The following KCNIP4 variants were observed in gnomAD, a reference collection of about 807,000 sequenced individuals.
The protein encoded by KCNIP4 is Kv channel-interacting protein 4.
KCNIP4 carries 12 observed loss-of-function variants against 34.0 expected under a neutral mutation model. The ratio of observed to expected loss-of-function variants is 0.35; its 90% CI spans 0.23 to 0.57. KCNIP4 has a LOEUF of 0.57. KCNIP4 is among the 20% of genes least tolerant of loss of function. KCNIP4 has a pLI of 0.83. For synonymous variants in KCNIP4, 124 were observed against 102.2 expected, an observed-to-expected ratio of 1.21 and a Z score of -1.29; for missense variants, 238 against 311.7, an observed-to-expected ratio of 0.76 and a Z score of 1.78.
At chr4:21,402,472 C>T (rs1268969776) in intron 1 of KCNIP4, among the ~76,000 whole-genome samples, 1 of 152,216 alleles carries the variant, frequency 6.6e-6, no homozygotes. Flanking sequence ...CATTTAGCTG[C>T]TAACAGGCCT....
At chr4:21,406,980 G>T (rs986099091) in intron 1 of KCNIP4, among the ~76,000 whole-genome samples, 3 of 151,962 alleles carry the variant, frequency 2.0e-5, no homozygotes, top group African/African-American at 7.3e-5. Context: ...GATAACACTT[G>T]GAAATGTATA....
intron 1 of KCNIP4, among the ~76,000 whole-genome samples, chr4:21,100,440 T>A (rs1747837655): frequency 6.6e-6 from 1 of 152,036 alleles, no homozygotes; most frequent in African/African-American, 2.4e-5. Context: ...GTAGACCCAG[T>A]TACTTGGGAG....
chr4:21,642,803 T>C (rs1303017468), intron 1 of KCNIP4, among the ~76,000 whole-genome samples: 1 of 152,082 alleles, frequency 6.6e-6, no homozygotes, highest in African/African-American at 2.4e-5. Context: ...TGATACTGAC[T>C]ACCAAAGAGA....
At chr4:21,556,925 A>C in intron 1 of KCNIP4, among the ~76,000 whole-genome samples, 1 of 147,946 alleles carries the variant, frequency 6.8e-6, no homozygotes, top group South Asian at 2.1e-4. Flanking sequence ...CATCTCAGAA[A>C]AAAAAAAAAA....
chr4:21,861,829 G>A (rs188223647), intron 1 of KCNIP4, among the ~76,000 whole-genome samples: 18 of 152,166 alleles, frequency 1.2e-4, no homozygotes, highest in African/African-American at 3.4e-4. Context: ...GCAAACGCGG[G>A]TCAGGTCATG....
chr4:21,387,009 G>A (rs1031955279), intron 1 of KCNIP4, among the ~76,000 whole-genome samples: 4 of 152,146 alleles, frequency 2.6e-5, no homozygotes, highest in African/African-American at 9.7e-5. Flanking sequence ...TTTGCTATGG[G>A]CTACAGGAGG....
At chr4:21,108,219 C>A (rs990489385) in intron 1 of KCNIP4, among the ~76,000 whole-genome samples, 5 of 149,830 alleles carry the variant, frequency 3.3e-5, no homozygotes, top group South Asian at 2.1e-4. Flanking sequence ...TCCATTCTCC[C>A]CGTCACTTTC....
chr4:21,116,455 A>G (rs749316132), intron 1 of KCNIP4, among the ~76,000 whole-genome samples: 6 of 152,144 alleles, frequency 3.9e-5, no homozygotes, highest in African/African-American at 4.8e-5. Context: ...TAGAGTGACT[A>G]CAACTTCCTG....
intron 1 of KCNIP4, among the ~76,000 whole-genome samples, chr4:21,894,141 G>T (rs1727253080): frequency 6.6e-6 from 1 of 151,848 alleles, no homozygotes. Context: ...AGACCAGCCT[G>T]GGAAACATGG....
At chr4:20,797,910 A>G (rs961085831) in intron 3 of KCNIP4, among the ~76,000 whole-genome samples, 13 of 152,228 alleles carry the variant, frequency 8.5e-5, no homozygotes, top group African/African-American at 3.1e-4. Context: ...TTTCTTTGGA[A>G]GATAACACAG....
intron 1 of KCNIP4, among the ~76,000 whole-genome samples, chr4:21,280,378 A>C (rs571009105): frequency 2.0e-5 from 3 of 152,316 alleles, no homozygotes; most frequent in African/African-American, 7.2e-5. Flanking sequence ...TTTATTAAAC[A>C]ATATGTCAGA....
At chr4:21,255,577 T>C (rs1365465972) in intron 1 of KCNIP4, among the ~76,000 whole-genome samples, 1 of 152,276 alleles carries the variant, frequency 6.6e-6, no homozygotes, top group East Asian at 1.9e-4. Flanking sequence ...TTTCTTTTTC[T>C]TTTTATTTGT....
intron 1 of KCNIP4, among the ~76,000 whole-genome samples, chr4:21,730,756 A>G (rs866895883): frequency 1.2e-4 from 18 of 152,322 alleles, no homozygotes; most frequent in African/African-American, 4.3e-4. Flanking sequence ...TCAGGATCAC[A>G]AACTTATACG....
At chr4:20,752,312 G>A (rs1753804236) in intron 4 of KCNIP4, among the ~76,000 whole-genome samples, 1 of 152,080 alleles carries the variant, frequency 6.6e-6, no homozygotes, top group Admixed American at 6.6e-5. Flanking sequence ...GCCTGCCTCA[G>A]CCTCCCAAAG....
intron 1 of KCNIP4, among the ~76,000 whole-genome samples, chr4:21,533,451 G>GCTTGT (rs1369504262): frequency 6.6e-6 from 1 of 152,056 alleles, no homozygotes; most frequent in Non-Finnish European, 1.5e-5. Flanking sequence ...AGAACCAATA[G>GCTTGT]CTTGTCTAGC....
intron 1 of KCNIP4, among the ~76,000 whole-genome samples, chr4:21,602,594 G>A (rs1251853685): frequency 6.6e-6 from 1 of 152,076 alleles, no homozygotes; most frequent in African/African-American, 2.4e-5. Flanking sequence ...TAATCCTCAA[G>A]TACAATGATT....
intron 1 of KCNIP4, among the ~76,000 whole-genome samples, chr4:21,010,901 A>G (rs558490826): frequency 6.6e-6 from 1 of 152,278 alleles, no homozygotes; most frequent in African/African-American, 2.4e-5. Flanking sequence ...TGATGCTACC[A>G]CTTCAAGAGT....
At position 21,758,206 on chromosome 4, in the gene KCNIP4, C is replaced by T. The variant is rs1052496186; in HGVS notation, c.61+190365G>A. Among the ~76,000 whole-genome samples the T allele has an allele frequency of 1.3e-4, 20 of 152,136 alleles. 1 individual carries two copies. The highest frequency in any genetic ancestry group is 2.8e-4 in the Non-Finnish European group (19 of 68,024). On this transcript the variant is annotated intron_variant, in intron 1 of 8. Coordinates refer to ENST00000382152, the MANE Select transcript of KCNIP4 (RefSeq NM_025221.6). ...TGTGTCCTATATACTGTTCTAGGTA[C>T]TGGGGATACAGAGGTGAATAAAACC... is the stretch of plus-strand genomic sequence containing the variant.
In KCNIP4 at chr4:21,479,159, G is replaced by C. The variant is rs1443589757; in HGVS notation, c.61+469412C>G. On this transcript the variant is annotated intron_variant, in intron 1 of 8. Coordinates refer to ENST00000382152, the MANE Select transcript of KCNIP4 (RefSeq NM_025221.6). ...GCAAACCAAAATGTGGGCCAGCCCA[G>C]TATCTGCAGGGCATAAGTCTGCCAG... is the stretch of plus-strand genomic sequence containing the variant. 2.0e-5 allele frequency among the ~76,000 whole-genome samples: 3 copies of C among 152,172 alleles called. No individual in the cohort carries two copies. The South Asian group carries it at 6.2e-4, about 32-fold the overall frequency.
Sources: allele counts gnomAD v4.1 joint callset (sites outside exome capture counted in the v4.1 genomes callset), GRCh38; gene constraint gnomAD v4.1.1; transcripts MANE v1.5; gene names NCBI Gene and HGNC (gene_info 2026-07-23, HGNC 2026-07-21).